Variants in RARB observed in about 807,000 individuals in gnomAD.
The protein encoded by RARB is retinoic acid receptor beta, also known as HBV-activated protein.
In RARB, 17 loss-of-function variants were observed where a neutral mutation model predicts 51.9. The ratio of observed to expected loss-of-function variants is 0.33; its 90% CI spans 0.22 to 0.49. The LOEUF is 0.49. Among genes scored for constraint, RARB ranks in the 20% least tolerant of loss-of-function variants. The pLI, the probability that RARB is intolerant of heterozygous loss-of-function variation, is 0.99. For synonymous variants in RARB, 215 were observed against 195.4 expected (o/e 1.10, Z -0.84); for missense variants, 369 against 550.8 (o/e 0.67, Z 3.30).
chr3:25,559,341 T>G (rs1700179026), intron 3 of RARB, among the ~76,000 whole-genome samples: 1 of 152,194 alleles, frequency 6.6e-6, no homozygotes, highest in Non-Finnish European at 1.5e-5. Context: ...TCCTCTCTTC[T>G]GAGATGTTTT....
intron 5 of RARB, among the ~76,000 whole-genome samples, chr3:25,270,802 TG>T (rs1229789883): frequency 6.6e-6 from 1 of 152,218 alleles, no homozygotes; most frequent in Non-Finnish European, 1.5e-5. Flanking sequence ...TGTTTAAGGT[TG>T]TAACAGGTTG....
chr3:25,585,485 A>G (rs923957809), intron 5 of RARB, among the ~76,000 whole-genome samples: 3 of 152,232 alleles, frequency 2.0e-5, no homozygotes, highest in African/African-American at 7.2e-5. Flanking sequence ...TGTGGTGGAG[A>G]ATTCATTAAG....
chr3:25,168,990 A>C (rs569942270), intron 4 of RARB, among the ~76,000 whole-genome samples: 1 of 152,348 alleles, frequency 6.6e-6, no homozygotes, highest in East Asian at 1.9e-4. Flanking sequence ...AATCTGAATA[A>C]TATTGGACTT....
intron 3 of RARB, among the ~76,000 whole-genome samples, chr3:25,125,781 A>G (rs1353502374): frequency 6.6e-6 from 1 of 152,206 alleles, no homozygotes; most frequent in Non-Finnish European, 1.5e-5. Flanking sequence ...TAGGTGTTCA[A>G]TAAATACTTG....
intron 5 of RARB, among the ~76,000 whole-genome samples, chr3:25,315,479 C>T (rs2125436146): frequency 6.6e-6 from 1 of 152,290 alleles, no homozygotes; most frequent in South Asian, 2.1e-4. Flanking sequence ...TTGAGACTTC[C>T]TAACTTCCCT....
intron 2 of RARB, among the ~76,000 whole-genome samples, chr3:25,499,135 C>T (rs1321225396): frequency 6.6e-6 from 1 of 152,128 alleles, no homozygotes; most frequent in Non-Finnish European, 1.5e-5. Flanking sequence ...TCCTAGGGTG[C>T]CCACGTAAGT....
At chr3:24,924,603 CTCAG>C (rs779072686) in intron 2 of RARB, among the ~76,000 whole-genome samples, 23 of 152,160 alleles carry the variant, frequency 1.5e-4, no homozygotes, top group Non-Finnish European at 2.5e-4. Context: ...AATATTTTTA[CTCAG>C]TCAGTATATA....
At chr3:25,258,549 A>C (rs1702922975) in intron 5 of RARB, among the ~76,000 whole-genome samples, 1 of 152,076 alleles carries the variant, frequency 6.6e-6, no homozygotes, top group Admixed American at 6.6e-5. Context: ...GGGAGTACCA[A>C]CCCTGAAGTG....
intron 3 of RARB, among the ~76,000 whole-genome samples, chr3:25,116,808 G>A (rs1699694777): frequency 6.6e-6 from 1 of 152,024 alleles, no homozygotes; most frequent in African/African-American, 2.4e-5. Flanking sequence ...CTGAAGACTA[G>A]CTTTGTCTTC....
intron 5 of RARB, among the ~76,000 whole-genome samples, chr3:25,389,748 C>T (rs1189667719): frequency 6.6e-6 from 1 of 152,136 alleles, no homozygotes; most frequent in African/African-American, 2.4e-5. Flanking sequence ...TCTGCTCTCT[C>T]AAAATTCACA....
intron 4 of RARB, among the ~76,000 whole-genome samples, chr3:25,573,528 G>A (rs771531411): frequency 4.6e-5 from 7 of 152,218 alleles, no homozygotes; most frequent in Non-Finnish European, 8.8e-5. Context: ...AGCCAGTCTC[G>A]CAGCTGACCG....
At chr3:25,014,887 G>C (rs919401366) in intron 2 of RARB, among the ~76,000 whole-genome samples, 1 of 151,922 alleles carries the variant, frequency 6.6e-6, no homozygotes, top group African/African-American at 2.4e-5. Flanking sequence ...TCCTATTTTG[G>C]TTATATTTCC....
intron 2 of RARB, among the ~76,000 whole-genome samples, chr3:25,010,091 T>G (rs904174051): frequency 7.9e-5 from 12 of 152,174 alleles, no homozygotes; most frequent in Non-Finnish European, 1.5e-4. Flanking sequence ...TAGTGTAACT[T>G]ACCCTTTTCT....
intron 3 of RARB, among the ~76,000 whole-genome samples, chr3:25,120,188 T>C (rs971912641): frequency 2.6e-5 from 4 of 152,042 alleles, no homozygotes; most frequent in African/African-American, 7.2e-5. Flanking sequence ...AGGAACCAGA[T>C]AGGTAACATC....
At chr3:25,022,390 C>G (rs1267657804) in intron 2 of RARB, among the ~76,000 whole-genome samples, 5 of 152,148 alleles carry the variant, frequency 3.3e-5, no homozygotes, top group Non-Finnish European at 7.4e-5. Flanking sequence ...TGAGACACAT[C>G]CATATTTTTG....
intron 2 of RARB, among the ~76,000 whole-genome samples, chr3:24,938,405 C>G (rs1281462513): frequency 1.3e-5 from 2 of 152,020 alleles, no homozygotes; most frequent in Non-Finnish European, 2.9e-5. Flanking sequence ...GAGTGTCTGT[C>G]CCCTTCATTC....
chr3:25,216,814 G>C (rs932352539), intron 5 of RARB, among the ~76,000 whole-genome samples: 4 of 150,898 alleles, frequency 2.7e-5, no homozygotes, highest in Non-Finnish European at 4.4e-5. Flanking sequence ...AGCTCTTTTA[G>C]TCTATAGTTT....
At chr3:25,284,520 A>G (rs1703603168) in intron 5 of RARB, among the ~76,000 whole-genome samples, 1 of 152,156 alleles carries the variant, frequency 6.6e-6, no homozygotes, top group African/African-American at 2.4e-5. Flanking sequence ...TATTACTCAA[A>G]GCTGAGTGGC....
At chr3:25,531,723 TAAAA>T (rs5847361) in intron 3 of RARB, among the ~76,000 whole-genome samples, 6 of 134,496 alleles carry the variant, frequency 4.5e-5, no homozygotes, top group East Asian at 2.1e-4. Context: ...ATAGACACTT[TAAAA>T]AAAAAAAAAA....
Sources: gnomAD v4.1 joint callset for allele counts (sites outside exome capture counted in the v4.1 genomes callset) on GRCh38, gnomAD v4.1.1 for gene constraint, MANE v1.5 for transcripts, NCBI Gene and HGNC (gene_info 2026-07-23, HGNC 2026-07-21) for gene names.